Variants in GPR137 observed in about 807,000 individuals in gnomAD.
GPR137 encodes the protein G protein-coupled receptor 137, also known as integral membrane protein GPR137.
Under a neutral mutation model 38.9 loss-of-function variants are expected in GPR137, and 20 were observed. The ratio of observed to expected loss-of-function variants is 0.51; its 90% CI spans 0.36 to 0.75. The LOEUF is 0.75. Among genes scored for constraint, GPR137 ranks in the 30% least tolerant of loss-of-function variants. GPR137 has a pLI of 0.00. For missense variants in GPR137, 456 were observed against 526.4 expected, an observed-to-expected ratio of 0.87 and a Z score of 1.31; for synonymous variants, 226 against 235.8, an observed-to-expected ratio of 0.96 and a Z score of 0.38.
rs1397767782 is a variant in GPR137, at chr11:64,287,867, T to C, written c.554T>C (p.Ile185Thr). ...CTGGTGAGCGACTCCCTGTTCGTCA[T>C]CTGCGCGCTGTCTCTTGCTGCCTGC... ...RVLVSDSLFV[I>T]CALSLAACLC... is the part of the protein sequence containing the mutation. The change falls in exon 3 of 7, where the codon ATC (isoleucine) becomes ACC (threonine). Residue 185 changes from isoleucine to threonine, a missense_variant. By Grantham distance (89) the Ile-to-Thr change is moderately conservative (BLOSUM62 -1). Coordinates refer to ENST00000438980, the MANE Select transcript of GPR137 (RefSeq NM_001170880.2). The C allele has an allele frequency of 2.5e-6, 4 of 1,604,542 alleles. No homozygotes were observed. Among genetic ancestry groups the C allele is most frequent in the Non-Finnish European group, 3.4e-6 (4 of 1,179,932 alleles).
At position 64,286,489 on chromosome 11, in the gene GPR137, TTGTC is replaced by T; in HGVS notation, c.-30_-27del. The stretch of plus-strand genomic sequence containing the variant: ...CCCTGGTCCCGCCGACAGTCCCTCC[TTGTC>T]TGTCTCCGGGATTCAGGCCTCCCTC... On this transcript the variant is annotated 5_prime_UTR_variant, in exon 1 of 7. Transcript: ENST00000438980. 6.3e-7 allele frequency: 1 copy of T among 1,585,258 alleles called. No individual in the cohort carries two copies. Among genetic ancestry groups the T allele is most frequent in the Non-Finnish European group, 8.6e-7 (1 of 1,164,092 alleles).
rs115350517 is a variant in GPR137 at position 64,289,030 on chromosome 11, G to A, written c.1032-7G>A. 1.2e-3 allele frequency: 1,846 copies of A among 1,543,374 alleles called. 25 individuals carry two copies. In the African/African-American group the frequency reaches 0.023, roughly 19 times the overall value. On this transcript the variant is annotated splice_polypyrimidine_tract_variant and splice_region_variant and intron_variant, in intron 6 of 6. Transcript: ENST00000438980. ...GTCCTGAGACTGACCCTGTTTCTCT[G>A]CTGCAGTATGTCGGGCAGTCTAGGC...
Position 64,286,996 on chromosome 11 carries a change from C to A in GPR137, c.389C>A (p.Pro130Gln), listed in dbSNP as rs1456290422. The A allele has an allele frequency of 6.2e-7, 1 of 1,613,836 alleles. No individual in the cohort carries two copies. The highest frequency in any genetic ancestry group is 8.5e-7 in the Non-Finnish European group (1 of 1,179,984). ...VVFKAKVKRR[P>Q]EMSRGLLAVR... is the part of the protein sequence containing the mutation. ...TTCAAGGCCAAGGTGAAGCGTCGGC[C>A]GGAGATGAGCCGAGGCTTGTAAGTA... Residue 130 changes from proline to glutamine, a missense_variant, in exon 2 of 7, where the codon CCG (proline) becomes CAG (glutamine). Physicochemically the swap from Pro to Gln is moderately conservative, Grantham distance 76 (BLOSUM62 -1). Transcript: ENST00000438980.
chr11:64,287,252 C>T (rs187590547), intron 2 of GPR137: 199 of 985,376 alleles, frequency 2.0e-4, no homozygotes, highest in Admixed American at 1.7e-3. Context: ...CAGTGTCATC[C>T]ACCATGGAGG....
At position 64,288,753 on chromosome 11, in the gene GPR137, G is replaced by A. The variant is rs754785516; in HGVS notation, c.1031+32G>A. ...GCCGTGGCACTGCCTCAGTACCCCTGCCCTACCCGCCCACCCCGCTGGCTC... is the reference window on the plus strand; with the variant it reads ...GCCGTGGCACTGCCTCAGTACCCCTACCCTACCCGCCCACCCCGCTGGCTC... On this transcript the variant is annotated intron_variant, in intron 6 of 6. Transcript: ENST00000438980. The surrounding 1 kb of genome is among the most constrained non-coding windows in gnomAD (Gnocchi z 5.5). The A allele has an allele frequency of 6.2e-6, 9 of 1,451,338 alleles. No homozygotes were observed. Among genetic ancestry groups the A allele is most frequent in the Non-Finnish European group, 8.3e-6 (9 of 1,079,934 alleles). 89.9% of individuals were successfully genotyped at this position (1,451,338 alleles called of 1,614,324 possible).
At chr11:64,279,979 C>T (rs1015106907), upstream of GPR137, among the ~76,000 whole-genome samples, 2 of 150,616 alleles carry the variant, frequency 1.3e-5, no homozygotes, top group Non-Finnish European at 3.0e-5. Flanking sequence ...GGGCCAGGAG[C>T]TCAAGACCAG....
chr11:64,286,668 G>C lies in GPR137; in HGVS notation c.144G>C (p.Val48=). 1.9e-6 allele frequency: 3 copies of C among 1,613,974 alleles called. No homozygotes were observed. The highest frequency in any genetic ancestry group is 1.7e-6 in the Non-Finnish European group (2 of 1,179,880). The change falls in exon 1 of 7, where the codon GTG becomes GTC. Residue 48 remains valine, a synonymous_variant. Transcript: ENST00000438980. The part of the protein sequence containing the change: ...FFSVYAQLWL[V]LLYGHKRLSY... ...CCGTCTATGCCCAGCTCTGGCTGGT[G>C]CTTCTGTATGGGCACAAGCGTCTCA...
rs376129341 is a variant in GPR137 at position 64,288,085 on chromosome 11, G to A, written c.654G>A (p.Ala218=). ...GCCAGGGGACCAGTGTGTGCCAGGC[G>A]GCCGCGATGGGTGGCGCCATGGTCC... is the stretch of plus-strand genomic sequence containing the variant. ...LEAKGTSVCQ[A]AAMGGAMVLL... is the part of the protein sequence containing the mutation. The change falls in exon 4 of 7, where the codon GCG becomes GCA. Residue 218 remains alanine (A), a synonymous_variant. Transcript: ENST00000438980. This position sits in a 1 kb window ranked among gnomAD's most constrained non-coding sequence, Gnocchi z 5.5. 113 of 1,611,216 alleles carry A rather than the reference G, an allele frequency of 7.0e-5. 1 individual carries two copies. In the Admixed American group the frequency reaches 1.5e-3, roughly 22 times the overall value.
chr11:64,288,002 CAG>C lies in GPR137; in HGVS notation c.633+57_633+58del, dbSNP rs1315333673. 7 of 1,602,838 alleles carry C rather than the reference CAG, an allele frequency of 4.4e-6. No homozygotes were observed. Reference sequence around the variant, plus strand: ...TTTTGGGTCTCTCGGCAGCGGTTCTCAGGGTGTAGAGGAAGCTGGGAGCCTTC... The same window carrying C: ...TTTTGGGTCTCTCGGCAGCGGTTCTCGGTGTAGAGGAAGCTGGGAGCCTTC... On this transcript the variant is annotated intron_variant, in intron 3 of 6. Coordinates refer to ENST00000438980, the MANE Select transcript of GPR137 (RefSeq NM_001170880.2). This position sits in a 1 kb window ranked among gnomAD's most constrained non-coding sequence, Gnocchi z 5.5.
At chr11:64,271,750 C>G (rs762780261), upstream of GPR137, 4 of 1,451,562 alleles carry the variant, frequency 2.8e-6, no homozygotes, top group Non-Finnish European at 3.6e-6. Context: ...TCGTCGTCCT[C>G]CGTCCCCGCG....
chr11:64,285,348 T>C (rs921982612), upstream of GPR137: 3 of 984,332 alleles, frequency 3.0e-6, no homozygotes, highest in Non-Finnish European at 2.4e-6. Context: ...GTAGGGCCCG[T>C]GGGGGCTTCA....
intron 2 of GPR137, chr11:64,276,818 A>T (rs1447935304): frequency 3.0e-6 from 2 of 677,072 alleles, no homozygotes; most frequent in Admixed American, 2.1e-5. Context: ...CACTCTTGCC[A>T]TCCGCCTAGA....
upstream of GPR137, chr11:64,285,000 T>G: frequency 7.9e-7 from 1 of 1,270,412 alleles, no homozygotes; most frequent in Non-Finnish European, 1.0e-6. Flanking sequence ...TTCCCCCCAG[T>G]GAAGTGGGGA....
At chr11:64,287,215 CT>C (rs2034194065) in intron 2 of GPR137, 60 of 985,090 alleles carry the variant, frequency 6.1e-5, no homozygotes, top group Non-Finnish European at 7.2e-5. Context: ...AATAGGAATG[CT>C]TGTGGTAGTG....
At chr11:64,271,060 G>C (rs12808586), upstream of GPR137, among the ~76,000 whole-genome samples, 10 of 844 alleles carry the variant, frequency 0.012, no homozygotes, top group Admixed American at 0.11. Flanking sequence ...CCCTGTGACT[G>C]ACACACACAC....
In GPR137 at chr11:64,288,922, G is replaced by A; in HGVS notation, c.1032-115G>A. 1 of 1,442,720 alleles carries A rather than the reference G, an allele frequency of 6.9e-7. No homozygotes were observed. The highest frequency in any genetic ancestry group is 1.5e-5 in the South Asian group (1 of 67,742). 89.4% of individuals were successfully genotyped at this position (1,442,720 alleles called of 1,614,324 possible). A position where few individuals can be genotyped will look rare whatever the true frequency, so the allele number is the denominator to read the frequency against. On this transcript the variant is annotated intron_variant, in intron 6 of 6. Coordinates refer to ENST00000438980, the MANE Select transcript of GPR137 (RefSeq NM_001170880.2). The surrounding 1 kb of genome is among the most constrained non-coding windows in gnomAD (Gnocchi z 5.5). ...CTTGCCTAGAGATGTACTTTGTCCT[G>A]GGCCCCGAAGGTCTAGGTCACAGGG...
At chr11:64,279,762 CAA>C (rs35718358), upstream of GPR137, among the ~76,000 whole-genome samples, 727 of 103,712 alleles carry the variant, frequency 7.0e-3, 5 homozygotes, top group African/African-American at 0.022. Flanking sequence ...GACTCTATCT[CAA>C]AAAAAAAAAA....
At chr11:64,284,805 C>T (rs927810128), upstream of GPR137, 4 of 1,529,088 alleles carry the variant, frequency 2.6e-6, no homozygotes, top group African/African-American at 1.4e-5. Flanking sequence ...GCCCCGCCCC[C>T]CCGCCGGATC....
chr11:64,277,855 A>T (rs1178435335), intron 2 of GPR137, among the ~76,000 whole-genome samples: 1 of 152,228 alleles, frequency 6.6e-6, no homozygotes, highest in African/African-American at 2.4e-5. Context: ...CCAGAGCTGA[A>T]AGGAAACCAT....
Sources: allele counts gnomAD v4.1 joint callset (sites outside exome capture counted in the v4.1 genomes callset), GRCh38; gene constraint gnomAD v4.1.1; non-coding constraint Gnocchi (gnomAD v3.1); transcripts MANE v1.5; gene names NCBI Gene and HGNC (gene_info 2026-07-23, HGNC 2026-07-21).